NTN1: variants seen among roughly 807,000 people sequenced by gnomAD.
The protein encoded by NTN1 is netrin-1.
In NTN1, 11 loss-of-function variants were observed where a neutral mutation model predicts 54.2. The observed-to-expected ratio is 0.20, with a 90% CI of 0.13 to 0.34. The LOEUF is 0.34. Among genes scored for constraint, NTN1 ranks in the 10% least tolerant of loss-of-function variants. The probability of loss-of-function intolerance (pLI) is 1.00; values close to 1 mark genes in which losing one functional copy is unlikely to be tolerated. For missense variants in NTN1, 740 were observed against 893.1 expected, an observed-to-expected ratio of 0.83 and a Z score of 2.18; for synonymous variants, 371 against 382.0, an observed-to-expected ratio of 0.97 and a Z score of 0.33.
intron 5 of NTN1, among the ~76,000 whole-genome samples, chr17:9,207,317 G>A (rs1253795524): frequency 6.6e-6 from 1 of 152,188 alleles, no homozygotes; most frequent in African/African-American, 2.4e-5. Context: ...GGACATACTT[G>A]AGTGAGAAAT....
At chr17:9,140,035 A>G (rs752820736) in intron 2 of NTN1, among the ~76,000 whole-genome samples, 3 of 147,810 alleles carry the variant, frequency 2.0e-5, no homozygotes, top group South Asian at 4.3e-4. Flanking sequence ...GTTTGCTTCT[A>G]TTTTTTTTTT....
chr17:9,233,872 A>G (rs1376008954), intron 6 of NTN1, among the ~76,000 whole-genome samples: 1 of 152,144 alleles, frequency 6.6e-6, no homozygotes, highest in Non-Finnish European at 1.5e-5. Flanking sequence ...CCCACCTCCC[A>G]GGGGACAGGG....
chr17:9,229,872 C>T (rs907961054), intron 6 of NTN1, among the ~76,000 whole-genome samples: 6 of 152,060 alleles, frequency 3.9e-5, no homozygotes, highest in Non-Finnish European at 7.4e-5. Context: ...TGGGAATGAC[C>T]GTAGCTCACT....
chr17:9,033,923 A>AAC (rs2091895379), intron 2 of NTN1, among the ~76,000 whole-genome samples: 1 of 150,864 alleles, frequency 6.6e-6, no homozygotes, highest in Non-Finnish European at 1.5e-5. Context: ...GTCTCAAAAA[A>AAC]AAAAAAAAAA....
intron 2 of NTN1, among the ~76,000 whole-genome samples, chr17:9,121,993 T>C (rs1008912045): frequency 4.6e-5 from 7 of 152,028 alleles, no homozygotes; most frequent in Admixed American, 1.3e-4. Flanking sequence ...ATATTATCTT[T>C]CTCTGTACGC....
chr17:9,184,050 C>T (rs368361870), intron 5 of NTN1, among the ~76,000 whole-genome samples: 23 of 152,252 alleles, frequency 1.5e-4, no homozygotes, highest in African/African-American at 4.6e-4. Flanking sequence ...AGGACTGTAG[C>T]GAGGGATGGG....
At chr17:9,127,071 C>CTG (rs1555570062) in intron 2 of NTN1, among the ~76,000 whole-genome samples, 1 of 81,894 alleles carries the variant, frequency 1.2e-5, no homozygotes, top group Non-Finnish European at 2.5e-5. Context: ...GTGGTAGGGC[C>CTG]GGGGGGGGGC....
chr17:9,137,966 A>T (rs559574043), intron 2 of NTN1, among the ~76,000 whole-genome samples: 1 of 152,124 alleles, frequency 6.6e-6, no homozygotes, highest in African/African-American at 2.4e-5. Context: ...GGGCTCTATC[A>T]AAATCCCGCT....
chr17:9,216,246 C>A (rs967776729), intron 5 of NTN1, among the ~76,000 whole-genome samples: 3 of 152,278 alleles, frequency 2.0e-5, no homozygotes, highest in African/African-American at 7.2e-5. Context: ...TGTGAGAGCA[C>A]ACCCAGCCCT....
In NTN1 at chr17:9,023,026, T is replaced by C; in HGVS notation, c.653T>C (p.Ile218Thr). ...ATGCGCCCGCTCTCGGGCGGCCTCA[T>C]CGCCTTCAGCACGCTGGACGGGCGG... ...TDMRPLSGGL[I>T]AFSTLDGRPS... Residue 218 changes from isoleucine to threonine, a missense_variant, in exon 2 of 7, where the codon ATC becomes ACC. By Grantham distance (89) the Ile-to-Thr change is moderately conservative. Coordinates refer to ENST00000173229, the MANE Select transcript of NTN1 (RefSeq NM_004822.3). 6.3e-7 allele frequency: 1 copy of C among 1,599,920 alleles called. No individual in the cohort carries two copies. Among genetic ancestry groups the C allele is most frequent in the South Asian group, 1.1e-5 (1 of 89,200 alleles).
chr17:9,053,074 G>A (rs975146541), intron 2 of NTN1, among the ~76,000 whole-genome samples: 48 of 152,322 alleles, frequency 3.2e-4, no homozygotes, highest in Non-Finnish European at 6.0e-4. Flanking sequence ...ACTGTAGCCC[G>A]TGGGCCAAAT....
Position 9,088,684 on chromosome 17 carries a change from A to G in NTN1, c.1018+65293A>G, listed in dbSNP as rs1046121290. On this transcript the variant is annotated intron_variant, in intron 2 of 6. Transcript: ENST00000173229. ...ACAGATGGAGGATTTTTCCGCTTCAATTATCTTCTTTGCAGGTTTTGGGTT... is the reference window on the plus strand; with the variant it reads ...ACAGATGGAGGATTTTTCCGCTTCAGTTATCTTCTTTGCAGGTTTTGGGTT... Among the ~76,000 whole-genome samples, 14 of 152,136 alleles carry G rather than the reference A, an allele frequency of 9.2e-5. 1 individual carries two copies. The highest frequency in any genetic ancestry group is 2.4e-4 in the African/African-American group (10 of 41,432).
intron 2 of NTN1, 66 bp from the exon 3 acceptor site, chr17:9,162,747 A>T: frequency 6.8e-7 from 1 of 1,477,586 alleles, no homozygotes; most frequent in Non-Finnish European, 9.2e-7. Flanking sequence ...GTTTCTTTTG[A>T]CGCTCTTGGG....
chr17:9,215,252 C>T (rs934321876), intron 5 of NTN1, among the ~76,000 whole-genome samples: 7 of 96,652 alleles, frequency 7.2e-5, no homozygotes, highest in African/African-American at 1.7e-4. Flanking sequence ...TAGATAGATA[C>T]ACACACACAC....
upstream of NTN1, among the ~76,000 whole-genome samples, chr17:9,019,031 T>C (rs993601694): frequency 6.6e-6 from 1 of 152,192 alleles, no homozygotes; most frequent in Non-Finnish European, 1.5e-5. Flanking sequence ...ACACTGGGAA[T>C]TGTGTAATGA....
At chr17:9,041,874 T>C (rs2091922688) in intron 2 of NTN1, among the ~76,000 whole-genome samples, 1 of 151,970 alleles carries the variant, frequency 6.6e-6, no homozygotes, top group Non-Finnish European at 1.5e-5. Context: ...CCAGGTGTGG[T>C]GGTACACATC....
intron 5 of NTN1, among the ~76,000 whole-genome samples, chr17:9,199,144 TTTTG>T (rs745603453): frequency 1.2e-4 from 18 of 152,206 alleles, no homozygotes; most frequent in East Asian, 7.7e-4. Context: ...CTTTCTTTCT[TTTTG>T]TTTGTTTGTT....
chr17:9,219,679 G>T lies in NTN1; in HGVS notation c.1412-1489G>T, dbSNP rs937140378. On this transcript the variant is annotated intron_variant, in intron 5 of 6. Coordinates refer to ENST00000173229, the MANE Select transcript of NTN1 (RefSeq NM_004822.3). This position sits in a 1 kb window ranked among gnomAD's most constrained non-coding sequence, Gnocchi z 4.5. The stretch of plus-strand genomic sequence containing the variant: ...CACTCCCTGCAGATCTAAGTCCTGG[G>T]TTGGGGTGCAGGTGGCACTGGGAGG... 2.6e-5 allele frequency among the ~76,000 whole-genome samples: 4 copies of T among 152,208 alleles called. No individual in the cohort carries two copies. Among genetic ancestry groups the T allele is most frequent in the African/African-American group, 9.6e-5 (4 of 41,452 alleles).
intron 5 of NTN1, among the ~76,000 whole-genome samples, chr17:9,188,641 G>A (rs7225508): frequency 0.9 from 137,037 of 152,102 alleles, 61,800 homozygotes; most frequent in East Asian, 1. Flanking sequence ...GGAACCTTTG[G>A]AGGGGATGGC....
Sources: allele counts gnomAD v4.1 joint callset (sites outside exome capture counted in the v4.1 genomes callset), GRCh38; gene constraint gnomAD v4.1.1; non-coding constraint Gnocchi (gnomAD v3.1); transcripts MANE v1.5; gene names NCBI Gene and HGNC (gene_info 2026-07-23, HGNC 2026-07-21).